Variants in ARAP2 observed in about 807,000 individuals in gnomAD.
ARAP2 encodes arf-GAP with Rho-GAP domain, ANK repeat and PH domain-containing protein 2.
A neutral mutation model predicts 194.5 loss-of-function variants in ARAP2; 148 were observed. That is an observed-to-expected ratio of 0.76 (90% confidence interval 0.67 to 0.87). The LOEUF (loss-of-function observed/expected upper bound fraction) is 0.87. ARAP2 is among the 40% of genes least tolerant of loss of function. The probability of loss-of-function intolerance (pLI) is 0.00; values close to 1 mark genes in which losing one functional copy is unlikely to be tolerated. For missense variants in ARAP2, 2,128 were observed against 1,989.7 expected, an observed-to-expected ratio of 1.07 and a Z score of -1.32; for synonymous variants, 695 against 683.5, an observed-to-expected ratio of 1.02 and a Z score of -0.26.
intron 2 of ARAP2, among the ~76,000 whole-genome samples, chr4:36,226,082 G>T (rs1475375794): frequency 2.0e-5 from 3 of 151,820 alleles, no homozygotes; most frequent in Non-Finnish European, 4.4e-5. Flanking sequence ...CACCACAAAA[G>T]CAATGCTGCT....
intron 28 of ARAP2, among the ~76,000 whole-genome samples, chr4:36,084,226 C>T (rs188523030): frequency 1.5e-3 from 234 of 152,202 alleles, no homozygotes; most frequent in African/African-American, 5.4e-3. Context: ...TTCATATATA[C>T]ATCTATCCTA....
chr4:36,172,733 G>T (rs183587466), intron 9 of ARAP2, among the ~76,000 whole-genome samples: 63 of 152,242 alleles, frequency 4.1e-4, no homozygotes, highest in African/African-American at 1.5e-3. Flanking sequence ...TGGAATTACT[G>T]GATGCCAGGT....
intron 2 of ARAP2, among the ~76,000 whole-genome samples, chr4:36,222,397 A>T (rs911770333): frequency 1.1e-4 from 17 of 152,144 alleles, no homozygotes; most frequent in Non-Finnish European, 1.8e-4. Flanking sequence ...TATTTGTAAT[A>T]GTTGAAAAGT....
At chr4:36,170,275 T>C (rs996396502) in intron 9 of ARAP2, among the ~76,000 whole-genome samples, 5 of 152,304 alleles carry the variant, frequency 3.3e-5, no homozygotes, top group South Asian at 2.1e-4. Context: ...GTATGCAATA[T>C]GTAACTATCA....
chr4:36,204,121 G>C (rs1424435711), intron 6 of ARAP2, among the ~76,000 whole-genome samples: 1 of 152,162 alleles, frequency 6.6e-6, no homozygotes, highest in African/African-American at 2.4e-5. Context: ...ATTTTTATCA[G>C]TGTTTCAGGG....
intron 2 of ARAP2, among the ~76,000 whole-genome samples, chr4:36,216,914 C>G (rs1031823279): frequency 6.6e-6 from 1 of 152,098 alleles, no homozygotes; most frequent in Non-Finnish European, 1.5e-5. Flanking sequence ...CTTACATAAA[C>G]CTACATGGTA....
intron 2 of ARAP2, among the ~76,000 whole-genome samples, chr4:36,224,736 A>G (rs1463714535): frequency 6.6e-6 from 1 of 152,178 alleles, no homozygotes; most frequent in Non-Finnish European, 1.5e-5. Flanking sequence ...ATTCAATTCA[A>G]AATTTAGCAA....
At chr4:36,213,101 G>A in intron 4 of ARAP2, 142 bp downstream of exon 4, 2 of 644,908 alleles carry the variant, frequency 3.1e-6, no homozygotes, top group South Asian at 1.9e-5. Flanking sequence ...TAATTTTACT[G>A]AACAAAAATT....
At chr4:36,100,137 T>A (rs1425081303) in intron 27 of ARAP2, among the ~76,000 whole-genome samples, 1 of 152,050 alleles carries the variant, frequency 6.6e-6, no homozygotes, top group East Asian at 1.9e-4. Context: ...AGTTATGTAA[T>A]ACCGCTACAT....
chr4:36,153,863 C>T (rs1018295950), intron 15 of ARAP2, among the ~76,000 whole-genome samples: 2 of 152,210 alleles, frequency 1.3e-5, no homozygotes, highest in African/African-American at 4.8e-5. Flanking sequence ...CATGCTTTAA[C>T]TCATTGAATC....
At chr4:36,143,267 G>T (rs1480679169) in intron 19 of ARAP2, among the ~76,000 whole-genome samples, 1 of 151,502 alleles carries the variant, frequency 6.6e-6, no homozygotes, top group South Asian at 2.1e-4. Flanking sequence ...CAATTAGGTA[G>T]GAATTCTATG....
chr4:36,090,776 G>A (rs957572807), intron 28 of ARAP2, among the ~76,000 whole-genome samples: 1 of 152,062 alleles, frequency 6.6e-6, no homozygotes, highest in African/African-American at 2.4e-5. Context: ...GAGCGTAGAG[G>A]ATTAGAAAAA....
chr4:36,236,793 G>A (rs1752535725), intron 1 of ARAP2, among the ~76,000 whole-genome samples: 1 of 152,160 alleles, frequency 6.6e-6, no homozygotes, highest in Non-Finnish European at 1.5e-5. Context: ...ACCAACAAAT[G>A]ACTAAGTGAC....
At chr4:36,156,449 GAAAGAAAGAAAGA>G (rs1371752271) in intron 15 of ARAP2, among the ~76,000 whole-genome samples, 477 of 27,692 alleles carry the variant, frequency 0.017, 82 homozygotes, top group Non-Finnish European at 0.024. Flanking sequence ...GAAAGAGAAA[GAAAGAAAGAAAGA>G]AAGAAATGAA....
At chr4:36,098,160 G>A (rs1263450396) in intron 27 of ARAP2, among the ~76,000 whole-genome samples, 4 of 152,034 alleles carry the variant, frequency 2.6e-5, no homozygotes, top group African/African-American at 9.7e-5. Flanking sequence ...ATAATTGATA[G>A]GTGGAGGAGG....
Position 36,193,559 on chromosome 4 carries a change from A to G in ARAP2, c.1557+19T>C. 6.5e-7 allele frequency: 1 copy of G among 1,533,746 alleles called. No homozygotes were observed. Among genetic ancestry groups the G allele is most frequent in the Non-Finnish European group, 8.8e-7 (1 of 1,141,678 alleles). Reference sequence around the variant, plus strand: ...TATGCATAAAAAAGCAATTTTTGAAAACTGTAAAATGTATTTACCTTCTCA... The same window carrying G: ...TATGCATAAAAAAGCAATTTTTGAAGACTGTAAAATGTATTTACCTTCTCA... On this transcript the variant is annotated intron_variant, in intron 7 of 32. Coordinates refer to ENST00000303965, the MANE Select transcript of ARAP2 (RefSeq NM_015230.4).
chr4:36,040,771 T>C (rs1011482409), intron 5 of ARAP2, among the ~76,000 whole-genome samples: 2 of 152,212 alleles, frequency 1.3e-5, no homozygotes, highest in African/African-American at 4.8e-5. Flanking sequence ...TAGGAAATCA[T>C]GTCGTCTGCA....
At chr4:36,128,479 C>CAT in intron 21 of ARAP2, 54 bp downstream of exon 21, 2 of 1,144,774 alleles carry the variant, frequency 1.7e-6, no homozygotes, top group East Asian at 5.3e-5. Context: ...CTATATTATA[C>CAT]ACACACACAC....
rs565306381 is a variant in ARAP2, at chr4:36,199,368, T to G, written c.1488-5721A>C. ...GTGCAGTGGCACAATCTCTGCTCAC[T>G]GCAACCTCCACCTCCCGGGTTCAAG... On this transcript the variant is annotated intron_variant, in intron 6 of 32. Coordinates refer to ENST00000303965, the MANE Select transcript of ARAP2 (RefSeq NM_015230.4). 2.4e-3 allele frequency among the ~76,000 whole-genome samples: 368 copies of G among 152,372 alleles called. 4 individuals are homozygous for G. Among genetic ancestry groups the G allele is most frequent in the African/African-American group, 8.5e-3 (352 of 41,594 alleles).
Sources: allele counts gnomAD v4.1 joint callset (sites outside exome capture counted in the v4.1 genomes callset), GRCh38; gene constraint gnomAD v4.1.1; transcripts MANE v1.5; gene names NCBI Gene and HGNC (gene_info 2026-07-23, HGNC 2026-07-21).